SLC44A2: variants seen among roughly 807,000 people sequenced by gnomAD.
SLC44A2 encodes choline transporter-like protein 2.
Under a neutral mutation model 90.8 loss-of-function variants are expected in SLC44A2, and 57 were observed. The observed-to-expected ratio is 0.63, with a 90% CI of 0.51 to 0.78. The LOEUF is 0.78. SLC44A2 is among the 30% of genes least tolerant of loss of function. The pLI is 0.00. For synonymous variants in SLC44A2, 355 were observed against 360.7 expected (o/e 0.98, Z 0.18); for missense variants, 794 against 919.7 (o/e 0.86, Z 1.77).
chr19:10,628,943 C>T (rs557226597), intron 4 of SLC44A2, among the ~76,000 whole-genome samples: 7 of 151,984 alleles, frequency 4.6e-5, no homozygotes, highest in African/African-American at 1.4e-4. Context: ...CATCGCTGGG[C>T]GTGGTGGCTC....
At chr19:10,629,569 C>T (rs2066971840) in intron 4 of SLC44A2, among the ~76,000 whole-genome samples, 1 of 151,404 alleles carries the variant, frequency 6.6e-6, no homozygotes, top group Admixed American at 6.6e-5. Flanking sequence ...TGAGCCACCA[C>T]ACCCGGCCTA....
chr19:10,636,806 A>C (rs2067061713), intron 16 of SLC44A2, 50 bp downstream of exon 16: 1 of 1,557,394 alleles, frequency 6.4e-7, no homozygotes, highest in African/African-American at 1.4e-5. Flanking sequence ...GGCGAGGCTG[A>C]ATAGCGAACC....
chr19:10,640,102 TTTTTC>T (rs2032307512), intron 20 of SLC44A2, among the ~76,000 whole-genome samples: 3 of 94,472 alleles, frequency 3.2e-5, no homozygotes, highest in African/African-American at 9.8e-5. Flanking sequence ...TTTTTTTTTT[TTTTTC>T]TGCGATAGAG....
intron 10 of SLC44A2, among the ~76,000 whole-genome samples, chr19:10,632,844 G>A (rs1436382024): frequency 6.6e-6 from 1 of 151,198 alleles, no homozygotes; most frequent in Non-Finnish European, 1.5e-5. Flanking sequence ...GGCTGATTTC[G>A]TATTTTTAGT....
chr19:10,642,802 A>C (rs570094823), intron 21 of SLC44A2: 1 of 1,414,344 alleles, frequency 7.1e-7, no homozygotes, highest in African/African-American at 1.5e-5. Flanking sequence ...CCTCTCCTCC[A>C]TGCCTGCTGG....
rs1255327052 is a variant in SLC44A2, at chr19:10,631,328, C to T, written c.384C>T (p.Ser128=). The change falls in exon 6 of 22, where the codon AGC becomes AGT. Residue 128 remains serine, a synonymous_variant. Coordinates refer to ENST00000335757, the MANE Select transcript of SLC44A2 (RefSeq NM_020428.4). The stretch of plus-strand genomic sequence containing the variant: ...ACCTCACGTACCTGAATGCTCGCAG[C>T]TCCCGGGACTTTGAGTACTATAAGC... ...DRYLTYLNAR[S]SRDFEYYKQF... The T allele has an allele frequency of 1.2e-6, 2 of 1,614,178 alleles. No homozygotes were observed. Among genetic ancestry groups the T allele is most frequent in the Middle Eastern group, 1.6e-4 (1 of 6,062 alleles).
intron 10 of SLC44A2, among the ~76,000 whole-genome samples, chr19:10,634,137 ATTTTTT>A (rs1177075276): frequency 2.0e-4 from 16 of 80,274 alleles, no homozygotes; most frequent in African/African-American, 7.9e-4. Flanking sequence ...CGCCCAGCTA[ATTTTTT>A]TTTTTTTTTT....
In SLC44A2 at chr19:10,643,281, G is replaced by T; in HGVS notation, c.2017G>T (p.Glu673Ter). ...TGCTCTGGGACCTCTCTCCACAGTG[G>T]AGGACCTGGAGAGGAATGACGGCTC... is the stretch of plus-strand genomic sequence containing the variant. ...CVDTLFLCFL[E>*]DLERNDGSAE... The change falls in exon 22 of 22, where the codon GAG (glutamate) becomes TAG (stop). Residue 673 changes from glutamate to a stop codon, truncating the protein, a stop_gained and splice_region_variant. Coordinates refer to ENST00000335757, the MANE Select transcript of SLC44A2 (RefSeq NM_020428.4). LOFTEE classifies it high-confidence loss of function. 6.2e-7 allele frequency: 1 copy of T among 1,610,302 alleles called. No individual in the cohort carries two copies. The highest frequency in any genetic ancestry group is 1.1e-5 in the South Asian group (1 of 90,342).
chr19:10,624,187 G>A (rs750864156), upstream of SLC44A2, among the ~76,000 whole-genome samples: 3 of 151,130 alleles, frequency 2.0e-5, no homozygotes, highest in Non-Finnish European at 2.9e-5. Context: ...TAGTACAGAC[G>A]GGGTTTCACC....
chr19:10,641,886 G>A (rs1045233024), intron 20 of SLC44A2, among the ~76,000 whole-genome samples: 1 of 151,604 alleles, frequency 6.6e-6, no homozygotes, highest in East Asian at 1.9e-4. Context: ...CCGGGTGTGC[G>A]GTGGCTCACG....
intron 14 of SLC44A2, 23 bp from the exon 15 acceptor site, chr19:10,636,300 C>T (rs373315938): frequency 7.8e-5 from 125 of 1,594,220 alleles, no homozygotes; most frequent in South Asian, 3.4e-4. Flanking sequence ...TTTTTGGACT[C>T]GGTTCTCCCT....
rs2288903 is a variant in SLC44A2, at chr19:10,644,059, G to T, written c.*674G>T. On this transcript the variant is annotated 3_prime_UTR_variant, in exon 22 of 22. Coordinates refer to ENST00000335757, the MANE Select transcript of SLC44A2 (RefSeq NM_020428.4). The stretch of plus-strand genomic sequence containing the variant: ...AGGAGGGAAAGGGAGGGAGAGTTTT[G>T]CGGGGGTTGGCAGTGGAGAGCAGGC... 975 of 152,846 alleles carry T rather than the reference G, an allele frequency of 6.4e-3. 70 individuals carry two copies. The East Asian group carries it at 0.15, about 24-fold the overall frequency. The allele number at this position is 152,846 out of a possible 1,614,324, so 9.5% of individuals were successfully genotyped here.
upstream of SLC44A2, among the ~76,000 whole-genome samples, chr19:10,621,435 T>TG (rs1372455963): frequency 2.8e-5 from 4 of 143,220 alleles, no homozygotes; most frequent in African/African-American, 5.2e-5. Context: ...TTTTTTTTTT[T>TG]TTTTTTGGTT....
rs1216802289 is a variant in SLC44A2, at chr19:10,614,148, G to C, written c.31+11587G>C. ...GCCCAGCTAATTTTTTGTATTTTTA[G>C]TAGAGATGGGGTTTCACCACGTTGG... On this transcript the variant is annotated intron_variant, in intron 1 of 21. Coordinates refer to the SLC44A2 transcript ENST00000407327. 1.3e-5 allele frequency among the ~76,000 whole-genome samples: 2 copies of C among 151,868 alleles called. 1 individual carries two copies. The highest frequency in any genetic ancestry group is 2.9e-5 in the Non-Finnish European group (2 of 68,016).
chr19:10,619,062 C>A (rs1386612574), intron 1 of SLC44A2, among the ~76,000 whole-genome samples: 1 of 150,522 alleles, frequency 6.6e-6, no homozygotes, highest in Non-Finnish European at 1.5e-5. Context: ...CCTGAACCTC[C>A]TGGGCTGACG....
chr19:10,627,922 T>C lies in SLC44A2; in HGVS notation c.163T>C (p.Trp55Arg). 2 of 1,614,008 alleles carry C rather than the reference T, an allele frequency of 1.2e-6. No individual in the cohort carries two copies. Among genetic ancestry groups the C allele is most frequent in the Non-Finnish European group, 8.5e-7 (1 of 1,179,986 alleles). ...VGYVAVGIIA[W>R]THGDPRKVIY... ...AGTATCCCTGGATCTTTCCACAGCC[T>C]GGACTCATGGAGACCCTCGAAAGGT... Residue 55 changes from tryptophan to arginine, a missense_variant and splice_region_variant, in exon 4 of 22, where the codon TGG becomes CGG. Trp to Arg is a moderately radical substitution (Grantham distance 101). Transcript: ENST00000335757.
In SLC44A2 at chr19:10,629,956, C is replaced by G. The variant is rs572733181; in HGVS notation, c.246-1101C>G. On this transcript the variant is annotated intron_variant, in intron 4 of 21. Transcript: ENST00000335757. ...TTTTAGTACAGACGGGGTTTCGCCA[C>G]GTTGGCCAGGCTGGTCTCGAACTCC... Among the ~76,000 whole-genome samples the G allele has an allele frequency of 1.9e-3, 281 of 150,260 alleles. 2 individuals carry two copies. Among genetic ancestry groups the G allele is most frequent in the African/African-American group, 6.5e-3 (266 of 40,880 alleles).
intron 12 of SLC44A2, 37 bp downstream of exon 12, chr19:10,635,110 G>C: frequency 9.9e-6 from 16 of 1,613,622 alleles, no homozygotes; most frequent in Non-Finnish European, 1.4e-5. Flanking sequence ...GGATGGAGCT[G>C]TCCCTAGAGT....
intron 4 of SLC44A2, among the ~76,000 whole-genome samples, chr19:10,629,738 C>T (rs2144853151): frequency 6.6e-6 from 1 of 151,892 alleles, no homozygotes; most frequent in South Asian, 2.1e-4. Flanking sequence ...AGCCACCCTG[C>T]CTGGCCCTAT....
Sources: gnomAD v4.1 joint callset for allele counts (sites outside exome capture counted in the v4.1 genomes callset) on GRCh38, gnomAD v4.1.1 for gene constraint, MANE v1.5 for transcripts, NCBI Gene and HGNC (gene_info 2026-07-23, HGNC 2026-07-21) for gene names.